BTBD16: variants seen among roughly 807,000 people sequenced by gnomAD.
The protein encoded by BTBD16 is BTB/POZ domain-containing protein 16.
BTBD16 carries 66 observed loss-of-function variants against 67.4 expected under a neutral mutation model. The ratio of observed to expected loss-of-function variants is 0.98; its 90% confidence interval spans 0.80 to 1.20. The LOEUF is 1.20. BTBD16 is among the 50% of genes most tolerant of loss of function. BTBD16 has a pLI of 0.00. For synonymous variants in BTBD16, 242 were observed against 236.4 expected (o/e 1.02, Z -0.22); for missense variants, 634 against 616.0 (o/e 1.03, Z -0.31).
In BTBD16 at chr10:122,338,119, C is replaced by A. The variant is rs1364427886; in HGVS notation, c.*34C>A. ...AGAAGAATCTATGGGATTTTCCCCC[C>A]ACTGGTCTGCATAAAAGAAAATAAA... is the stretch of plus-strand genomic sequence containing the variant. On this transcript the variant is annotated 3_prime_UTR_variant, in exon 16 of 16. Coordinates refer to ENST00000260723, the MANE Select transcript of BTBD16 (RefSeq NM_144587.5). 2.7e-6 allele frequency: 4 copies of A among 1,474,998 alleles called. No homozygotes were observed. Among genetic ancestry groups the A allele is most frequent in the East Asian group, 2.3e-5 (1 of 44,218 alleles). The allele number at this position is 1,474,998 out of a possible 1,614,324, so 91.4% of individuals were successfully genotyped here. A position where few individuals can be genotyped will look rare whatever the true frequency, so the allele number is the denominator to read the frequency against.
At chr10:122,288,947 G>T (rs1400535861) in intron 5 of BTBD16, among the ~76,000 whole-genome samples, 1 of 152,200 alleles carries the variant, frequency 6.6e-6, no homozygotes, top group Admixed American at 6.5e-5. Flanking sequence ...TGTGCCAAGG[G>T]TGTGGGGCAC....
At chr10:122,280,179 G>A (rs1436854103) in intron 3 of BTBD16, among the ~76,000 whole-genome samples, 2 of 152,166 alleles carry the variant, frequency 1.3e-5, no homozygotes, top group African/African-American at 2.4e-5. Context: ...TGCAAATCAC[G>A]GATACTGTCT....
intron 9 of BTBD16, among the ~76,000 whole-genome samples, chr10:122,299,740 A>G (rs538624157): frequency 6.6e-6 from 1 of 152,230 alleles, no homozygotes; most frequent in East Asian, 1.9e-4. Flanking sequence ...AATCAAGTCC[A>G]GCGCTATGGG....
intron 5 of BTBD16, among the ~76,000 whole-genome samples, chr10:122,287,693 A>G (rs1201446220): frequency 6.6e-6 from 1 of 152,162 alleles, no homozygotes; most frequent in Non-Finnish European, 1.5e-5. Context: ...CATGTTCTCA[A>G]TATCATCTGT....
At chr10:122,296,490 G>A (rs1368689934) in intron 7 of BTBD16, among the ~76,000 whole-genome samples, 1 of 152,162 alleles carries the variant, frequency 6.6e-6, no homozygotes, top group Non-Finnish European at 1.5e-5. Context: ...CAACCATTGA[G>A]TCATAATGAG....
At chr10:122,271,933 C>T (rs935932150) in intron 1 of BTBD16, among the ~76,000 whole-genome samples, 6 of 152,160 alleles carry the variant, frequency 3.9e-5, no homozygotes, top group Non-Finnish European at 7.3e-5. Context: ...TAGCGAGTCC[C>T]GTGTGGGGTT....
chr10:122,317,664 C>CAA (rs55680223), intron 10 of BTBD16, among the ~76,000 whole-genome samples: 81 of 150,980 alleles, frequency 5.4e-4, no homozygotes, highest in African/African-American at 7.3e-4. Context: ...CACAAAAAAA[C>CAA]AAAAAAAACA....
At chr10:122,327,613 T>C (rs2096447492) in intron 10 of BTBD16, 1 of 985,348 alleles carries the variant, frequency 1.0e-6, no homozygotes, top group Non-Finnish European at 1.2e-6. Context: ...ACTCATGGCC[T>C]CTCCATGTCA....
intron 1 of BTBD16, among the ~76,000 whole-genome samples, chr10:122,274,424 G>A (rs867348453): frequency 9.2e-5 from 14 of 152,140 alleles, no homozygotes; most frequent in Admixed American, 2.6e-4. Flanking sequence ...GTTCTTTCCC[G>A]GAGAGTTCTC....
intron 10 of BTBD16, 104 bp from the exon 11 acceptor site, chr10:122,329,376 C>A: frequency 9.4e-7 from 1 of 1,065,936 alleles, no homozygotes; most frequent in Non-Finnish European, 1.4e-6. Context: ...CTCCCCCTGG[C>A]TAGTGAAGCC....
intron 3 of BTBD16, among the ~76,000 whole-genome samples, chr10:122,283,587 C>G (rs540002079): frequency 1.1e-4 from 17 of 152,314 alleles, no homozygotes; most frequent in Admixed American, 7.2e-4. Flanking sequence ...GTCATTCAGG[C>G]AGCCAATTAT....
intron 6 of BTBD16, among the ~76,000 whole-genome samples, chr10:122,290,829 C>T (rs1038301974): frequency 6.6e-6 from 1 of 152,206 alleles, no homozygotes; most frequent in African/African-American, 2.4e-5. Context: ...TGGTCTCACC[C>T]CTGAGAACAG....
chr10:122,333,518 T>C (rs1014887760), intron 13 of BTBD16, among the ~76,000 whole-genome samples: 1 of 152,086 alleles, frequency 6.6e-6, no homozygotes, highest in African/African-American at 2.4e-5. Context: ...GTCTAAACCC[T>C]CCAGAAACAC....
intron 3 of BTBD16, among the ~76,000 whole-genome samples, chr10:122,281,234 CT>C (rs1358762320): frequency 6.6e-6 from 1 of 152,164 alleles, no homozygotes; most frequent in Admixed American, 6.5e-5. Context: ...CCTCGCAGTA[CT>C]TTTTTTGTGT....
At chr10:122,328,737 G>T (rs1322835784) in intron 10 of BTBD16, 6 of 985,082 alleles carry the variant, frequency 6.1e-6, no homozygotes, top group South Asian at 4.7e-5. Flanking sequence ...TATGAAAAGT[G>T]ACCATTTTTG....
At chr10:122,301,239 C>T (rs1206855534) in intron 9 of BTBD16, among the ~76,000 whole-genome samples, 1 of 152,116 alleles carries the variant, frequency 6.6e-6, no homozygotes, top group African/African-American at 2.4e-5. Context: ...GCTGTCACAC[C>T]CTGGCAGCAT....
chr10:122,324,818 C>T (rs1175854893), intron 10 of BTBD16, among the ~76,000 whole-genome samples: 2 of 152,220 alleles, frequency 1.3e-5, no homozygotes, highest in Non-Finnish European at 2.9e-5. Context: ...CTTTCCACTT[C>T]CGCCATGTTG....
intron 9 of BTBD16, 131 bp downstream of exon 9, chr10:122,299,265 G>A (rs2096389642): frequency 8.5e-7 from 1 of 1,170,852 alleles, no homozygotes; most frequent in African/African-American, 1.6e-5. Context: ...GGACAGCTGA[G>A]CCTTGGCTGG....
intron 8 of BTBD16, 90 bp from the exon 9 acceptor site, chr10:122,298,914 C>G (rs1336058253): frequency 1.3e-6 from 2 of 1,538,838 alleles, no homozygotes; most frequent in Non-Finnish European, 1.8e-6. Context: ...GTGACTCTCC[C>G]TCTGAGCACA....
Sources: gnomAD v4.1 joint callset for allele counts (sites outside exome capture counted in the v4.1 genomes callset) on GRCh38, gnomAD v4.1.1 for gene constraint, MANE v1.5 for transcripts, NCBI Gene and HGNC (gene_info 2026-07-23, HGNC 2026-07-21) for gene names.